Variants in NUDT3 observed in about 807,000 individuals in gnomAD.
NUDT3 encodes the protein diphosphoinositol polyphosphate phosphohydrolase 1.
Under a neutral mutation model 23.6 loss-of-function variants are expected in NUDT3, and 9 were observed. That is an observed-to-expected ratio of 0.38 (90% CI 0.23 to 0.66). The LOEUF is 0.66. NUDT3 is among the 30% of genes least tolerant of loss of function. The probability of loss-of-function intolerance (pLI) is 0.52; values close to 1 mark genes in which losing one functional copy is unlikely to be tolerated. For missense variants in NUDT3, 172 were observed against 218.5 expected, an observed-to-expected ratio of 0.79 and a Z score of 1.34; for synonymous variants, 86 against 82.6, an observed-to-expected ratio of 1.04 and a Z score of -0.22.
At chr6:34,319,675 ATAC>A (rs1763910805) in intron 2 of NUDT3, among the ~76,000 whole-genome samples, 1 of 152,254 alleles carries the variant, frequency 6.6e-6, no homozygotes, top group South Asian at 2.1e-4. Context: ...GTATGAGTTA[ATAC>A]TAATCGACTG....
chr6:34,354,161 G>A (rs533852093), intron 1 of NUDT3, among the ~76,000 whole-genome samples: 20 of 151,732 alleles, frequency 1.3e-4, no homozygotes, highest in African/African-American at 3.1e-4. Context: ...CAGGTGACCC[G>A]CCCGCCTCGG....
chr6:34,319,319 C>A (rs1763906087), intron 2 of NUDT3, among the ~76,000 whole-genome samples: 1 of 152,226 alleles, frequency 6.6e-6, no homozygotes, highest in Non-Finnish European at 1.5e-5. Context: ...CTACCAGTCA[C>A]AAGTCCAGGC....
intron 2 of NUDT3, among the ~76,000 whole-genome samples, chr6:34,327,297 G>C (rs1383078039): frequency 2.0e-5 from 3 of 151,958 alleles, no homozygotes; most frequent in Non-Finnish European, 4.4e-5. Flanking sequence ...TTGGGAGGCC[G>C]AGGCGGGTGG....
rs1037767815 is a variant in NUDT3 at position 34,288,046 on chromosome 6, G to A, written c.*707C>T. On this transcript the variant is annotated 3_prime_UTR_variant, in exon 5 of 5. Coordinates refer to ENST00000607016, the MANE Select transcript of NUDT3 (RefSeq NM_006703.4). Reference sequence around the variant, plus strand: ...CCATGAGTCCTGGGAGCACTATGAAGGTAGCTAAACTCTTCCCATATCTAC... The same window carrying A: ...CCATGAGTCCTGGGAGCACTATGAAAGTAGCTAAACTCTTCCCATATCTAC... 12 of 152,168 alleles carry A rather than the reference G, an allele frequency of 7.9e-5. 1 individual carries two copies. The allele number at this position is 152,168 out of a possible 1,614,324, so 9.4% of individuals were successfully genotyped here.
intron 1 of NUDT3, among the ~76,000 whole-genome samples, chr6:34,359,578 T>C (rs548527350): frequency 6.6e-6 from 1 of 152,330 alleles, no homozygotes; most frequent in East Asian, 1.9e-4. Flanking sequence ...GAAAAGTTCA[T>C]CCATATTGTA....
intron 1 of NUDT3, among the ~76,000 whole-genome samples, chr6:34,367,848 A>G (rs1416824093): frequency 6.6e-6 from 1 of 152,206 alleles, no homozygotes; most frequent in Non-Finnish European, 1.5e-5. Context: ...CATGGGCAAA[A>G]CTGGCTACCA....
intron 1 of NUDT3, among the ~76,000 whole-genome samples, chr6:34,379,804 C>G (rs1486271809): frequency 1.3e-5 from 2 of 151,784 alleles, no homozygotes; most frequent in Non-Finnish European, 2.9e-5. Flanking sequence ...CCCTTGAGGT[C>G]AGGAGTTCGA....
chr6:34,313,495 G>A lies in NUDT3; in HGVS notation c.211-17810C>T, dbSNP rs117733657. On this transcript the variant is annotated intron_variant, in intron 2 of 4. Transcript: ENST00000607016. ...CACCAAGAGGGAACCTTATGAAAAC[G>A]AGGGATTCGGGGTGATTATGATGTG... Among the ~76,000 whole-genome samples, 176 of 152,208 alleles carry A rather than the reference G, an allele frequency of 1.2e-3. 1 individual carries two copies. Among genetic ancestry groups the A allele is most frequent in the East Asian group, 0.01 (54 of 5,164 alleles).
intron 2 of NUDT3, among the ~76,000 whole-genome samples, chr6:34,300,530 A>G (rs1388932197): frequency 6.6e-6 from 1 of 152,210 alleles, no homozygotes; most frequent in Admixed American, 6.5e-5. Context: ...GGACTTCTGG[A>G]AAAGATTTCC....
intron 2 of NUDT3, among the ~76,000 whole-genome samples, chr6:34,331,342 T>C (rs1399776648): frequency 1.3e-5 from 2 of 152,100 alleles, no homozygotes. Context: ...ACCTGCTGGA[T>C]TTTTCTTTTT....
At chr6:34,344,635 T>C (rs910606728) in intron 1 of NUDT3, among the ~76,000 whole-genome samples, 1 of 152,094 alleles carries the variant, frequency 6.6e-6, no homozygotes, top group African/African-American at 2.4e-5. Flanking sequence ...GAAATGGTGA[T>C]TGCCAAATGC....
chr6:34,306,186 G>A (rs368525966), intron 2 of NUDT3, among the ~76,000 whole-genome samples: 18 of 152,240 alleles, frequency 1.2e-4, no homozygotes, highest in East Asian at 1.2e-3. Context: ...GACTTTCCCC[G>A]TAACTCTGAT....
Position 34,281,258 on chromosome 6 carries a change from C to T in NUDT3, c.*7495G>A, listed in dbSNP as rs1175856076. The T allele has an allele frequency of 6.6e-6, 1 of 152,218 alleles. No individual in the cohort carries two copies. Among genetic ancestry groups the T allele is most frequent in the Non-Finnish European group, 1.5e-5 (1 of 68,060 alleles). The allele number at this position is 152,218 out of a possible 1,614,324, so 9.4% of individuals were successfully genotyped here. ...CCTCACTGCCTCCTCAGAGCCCATC[C>T]CTGACCATGTCATTGGATAGGATGG... On this transcript the variant is annotated 3_prime_UTR_variant, in exon 5 of 5. Coordinates refer to ENST00000607016, the MANE Select transcript of NUDT3 (RefSeq NM_006703.4).
chr6:34,346,718 A>G (rs1764376525), intron 1 of NUDT3, among the ~76,000 whole-genome samples: 1 of 152,004 alleles, frequency 6.6e-6, no homozygotes, highest in Non-Finnish European at 1.5e-5. Context: ...TTTCCTTGAC[A>G]ACCTATTGAA....
intron 2 of NUDT3, among the ~76,000 whole-genome samples, chr6:34,300,096 G>A (rs1197986674): frequency 5.9e-5 from 9 of 151,892 alleles, no homozygotes; most frequent in African/African-American, 2.2e-4. Flanking sequence ...CCTATGAGGT[G>A]TTCTACTGGG....
chr6:34,353,703 G>A (rs561851654), intron 1 of NUDT3, among the ~76,000 whole-genome samples: 1 of 151,778 alleles, frequency 6.6e-6, no homozygotes, highest in East Asian at 2.0e-4. Context: ...ACCCAGCCTT[G>A]CTTTTGTTTT....
At chr6:34,311,738 A>G (rs1030098063) in intron 2 of NUDT3, among the ~76,000 whole-genome samples, 16 of 152,222 alleles carry the variant, frequency 1.1e-4, no homozygotes, top group African/African-American at 3.9e-4. Context: ...AATAGATGGA[A>G]CAATAGCAAG....
rs533001818 is a variant in NUDT3, at chr6:34,304,834, C to CTT, written c.211-9151_211-9150dup. Reference sequence around the variant, plus strand: ...ACCATCATGCCCAGCTAATTAAAAACTTTTTTTTTTTTTTTTTGGTAGAGA... The same window carrying CTT: ...ACCATCATGCCCAGCTAATTAAAAACTTTTTTTTTTTTTTTTTTTGGTAGAGA... On this transcript the variant is annotated intron_variant, in intron 2 of 4. Transcript: ENST00000607016. Among the ~76,000 whole-genome samples the CTT allele has an allele frequency of 2.9e-4, 38 of 130,816 alleles. 1 individual carries two copies. Among genetic ancestry groups the CTT allele is most frequent in the South Asian group, 2.0e-3 (8 of 4,052 alleles). The allele number at this position is 130,816 out of a possible 152,430, so 85.8% of individuals were successfully genotyped here. A position where few individuals can be genotyped will look rare whatever the true frequency, so the allele number is the denominator to read the frequency against.
intron 1 of NUDT3, among the ~76,000 whole-genome samples, chr6:34,366,695 C>T (rs1764740524): frequency 6.6e-6 from 1 of 151,300 alleles, no homozygotes; most frequent in Admixed American, 6.6e-5. Flanking sequence ...GCAGCTAGGA[C>T]TGCAACGTGT....
Sources: gnomAD v4.1 joint callset for allele counts (sites outside exome capture counted in the v4.1 genomes callset) on GRCh38, gnomAD v4.1.1 for gene constraint, MANE v1.5 for transcripts, NCBI Gene and HGNC (gene_info 2026-07-23, HGNC 2026-07-21) for gene names.